CD46: variants seen among roughly 807,000 people sequenced by gnomAD.
CD46 encodes membrane cofactor protein.
In CD46, 30 loss-of-function variants were observed where a neutral mutation model predicts 53.3. The observed-to-expected ratio is 0.56, with a 90% CI of 0.42 to 0.76. The LOEUF (loss-of-function observed/expected upper bound fraction) is 0.76, where lower values mean the gene tolerates loss of function less well. Among genes scored for constraint, CD46 ranks in the 30% least tolerant of loss-of-function variants. The probability of loss-of-function intolerance (pLI) is 0.00; values close to 1 mark genes in which losing one functional copy is unlikely to be tolerated. For synonymous variants in CD46, 142 were observed against 152.0 expected (o/e 0.93, Z 0.48); for missense variants, 409 against 463.0 (o/e 0.88, Z 1.07).
At chr1:207,790,124 GT>G (rs1293287240) in intron 11 of CD46, 128 bp from the exon 12 acceptor site, 1 of 702,744 alleles carries the variant, frequency 1.4e-6, no homozygotes, top group Non-Finnish European at 2.6e-6. Flanking sequence ...AAAGTCTTAA[GT>G]TATGAACCTA....
intron 12 of CD46, 88 bp from the exon 13 acceptor site, chr1:207,793,431 T>C: frequency 1.0e-6 from 1 of 975,436 alleles, no homozygotes; most frequent in Non-Finnish European, 1.6e-6. Flanking sequence ...TTTTTTTAAT[T>C]GTTCATTTTC....
chr1:207,753,686 CAAAA>C (rs796895934), intron 1 of CD46, among the ~76,000 whole-genome samples: 2 of 146,966 alleles, frequency 1.4e-5, no homozygotes, highest in African/African-American at 2.5e-5. Context: ...AACAAACAAA[CAAAA>C]AAAAAACCCG....
At chr1:207,773,610 G>T (rs769902554) in intron 8 of CD46, among the ~76,000 whole-genome samples, 1 of 152,130 alleles carries the variant, frequency 6.6e-6, no homozygotes, top group Non-Finnish European at 1.5e-5. Context: ...GTTCTCGTTG[G>T]TTTTAAAGAA....
chr1:207,754,537 C>G (rs972552636), intron 1 of CD46, among the ~76,000 whole-genome samples: 1 of 152,076 alleles, frequency 6.6e-6, no homozygotes, highest in Non-Finnish European at 1.5e-5. Context: ...TCCAAAAGCC[C>G]GATTTGTTTA....
At chr1:207,756,146 C>A (rs1302186134) in intron 1 of CD46, among the ~76,000 whole-genome samples, 1 of 152,002 alleles carries the variant, frequency 6.6e-6, no homozygotes, top group East Asian at 1.9e-4. Flanking sequence ...TAGCTACCAG[C>A]CAGGGAGGAA....
intron 5 of CD46, among the ~76,000 whole-genome samples, chr1:207,765,924 A>G (rs1457041763): frequency 6.6e-6 from 1 of 152,232 alleles, no homozygotes; most frequent in Admixed American, 6.5e-5. Flanking sequence ...TGGTGAATGA[A>G]TGAACCACCT....
chr1:207,761,388 G>A lies in CD46; in HGVS notation c.615G>A (p.Glu205=), dbSNP rs1262119392. The change falls in exon 5 of 13, where the codon GAG becomes GAA. Residue 205 remains glutamate (E), a synonymous_variant. Coordinates refer to ENST00000367042, the MANE Select transcript of CD46 (RefSeq NM_172351.3). The part of the protein sequence containing the change: ...PGPDPFSLIG[E]STIYCGDNSV... ...CAGATCCATTTTCACTTATTGGAGA[G>A]AGCACGATTTATTGTGGTGACAATT... is the stretch of plus-strand genomic sequence containing the variant. 1.9e-6 allele frequency: 3 copies of A among 1,614,100 alleles called. No individual in the cohort carries two copies. Among genetic ancestry groups the A allele is most frequent in the Non-Finnish European group, 2.5e-6 (3 of 1,179,958 alleles).
At position 207,795,035 on chromosome 1, in the gene CD46, GT is replaced by G. The variant is rs760485423; in HGVS notation, c.*1561del. On this transcript the variant is annotated 3_prime_UTR_variant, in exon 13 of 13. Coordinates refer to ENST00000367042, the MANE Select transcript of CD46 (RefSeq NM_172351.3). The stretch of plus-strand genomic sequence containing the variant: ...GGCAAGATGCTTTAGGAAGATAAAA[GT>G]TTGAGGAGAACAAACAGGAATTCTG... 13 of 152,214 alleles carry G rather than the reference GT, an allele frequency of 8.5e-5. No homozygotes were observed. Among genetic ancestry groups the G allele is most frequent in the Non-Finnish European group, 1.6e-4 (11 of 68,046 alleles). 9.4% of individuals were successfully genotyped at this position (152,214 alleles called of 1,614,324 possible).
chr1:207,795,481 TTAAAA>T lies in CD46; in HGVS notation c.*2011_*2015del, dbSNP rs1311497615. 2.6e-5 allele frequency: 4 copies of T among 152,362 alleles called. No individual in the cohort carries two copies. Among genetic ancestry groups the T allele is most frequent in the South Asian group, 2.1e-4 (1 of 4,830 alleles). The allele number at this position is 152,362 out of a possible 1,614,324, so 9.4% of individuals were successfully genotyped here. A position where few individuals can be genotyped will look rare whatever the true frequency, so the allele number is the denominator to read the frequency against. On this transcript the variant is annotated 3_prime_UTR_variant, in exon 13 of 13. Coordinates refer to ENST00000367042, the MANE Select transcript of CD46 (RefSeq NM_172351.3). Reference sequence around the variant, plus strand: ...TTAAAAAATGGACTCTTGAAATCTGTTAAAATAAAATTGTACATTTGGAGATGTTT... The same window carrying T: ...TTAAAAAATGGACTCTTGAAATCTGTTAAAATTGTACATTTGGAGATGTTT...
chr1:207,773,374 T>C (rs781442930), intron 8 of CD46, among the ~76,000 whole-genome samples: 17 of 152,136 alleles, frequency 1.1e-4, no homozygotes, highest in Non-Finnish European at 2.2e-4. Context: ...TTTTGAAGGG[T>C]TTTTTATATC....
chr1:207,790,195 G>A (rs536217466), intron 11 of CD46, 58 bp from the exon 12 acceptor site: 18 of 859,254 alleles, frequency 2.1e-5, no homozygotes, highest in South Asian at 1.6e-4. Flanking sequence ...TATGCTACTC[G>A]TTTCTTTTTG....
At chr1:207,760,617 A>G (rs1656070844) in intron 4 of CD46, 1 of 152,506 alleles carries the variant, frequency 6.6e-6, no homozygotes, top group African/African-American at 2.4e-5. Flanking sequence ...GTATTGCTCT[A>G]AAGAAATACC....
At chr1:207,772,594 G>C (rs1195339838) in intron 8 of CD46, among the ~76,000 whole-genome samples, 1 of 152,164 alleles carries the variant, frequency 6.6e-6, no homozygotes, top group Admixed American at 6.5e-5. Context: ...AGTTTATTGA[G>C]AGTTTTTAGC....
At chr1:207,762,031 A>G in intron 5 of CD46, among the ~76,000 whole-genome samples, 1 of 152,208 alleles carries the variant, frequency 6.6e-6, no homozygotes, top group East Asian at 1.9e-4. Context: ...ATTCTAGACA[A>G]TAAGACAACT....
rs746974443 is a variant in CD46 at position 207,793,623 on chromosome 1, C to T, written c.*146C>T. ...TCCACAACCTGGTTTGCCAGTTCAT[C>T]TTTTGACTCTATTAAAATCTTCAAT... On this transcript the variant is annotated 3_prime_UTR_variant, in exon 13 of 13. Coordinates refer to ENST00000367042, the MANE Select transcript of CD46 (RefSeq NM_172351.3). 6.5e-7 allele frequency: 1 copy of T among 1,550,132 alleles called. No homozygotes were observed. Among genetic ancestry groups the T allele is most frequent in the Admixed American group, 1.7e-5 (1 of 59,860 alleles).
intron 12 of CD46, among the ~76,000 whole-genome samples, chr1:207,792,047 C>G (rs1165596884): frequency 1.3e-5 from 2 of 152,084 alleles, no homozygotes; most frequent in African/African-American, 4.8e-5. Flanking sequence ...CTTTGGGAGG[C>G]CGAGGCGGGC....
chr1:207,757,185 C>T lies in CD46; in HGVS notation c.269C>T (p.Ser90Leu). Residue 90 changes from serine to leucine, a missense_variant, in exon 2 of 13, where the codon TCA becomes TTA. Transcript: ENST00000367042. ...CDRNHTWLPV[S>L]DDACYRETCP... ...CGGAATCATACATGGCTACCTGTCT[C>T]AGATGACGCCTGTTATAGTAAGTAA... 6.2e-7 allele frequency: 1 copy of T among 1,613,416 alleles called. No homozygotes were observed. Among genetic ancestry groups the T allele is most frequent in the Non-Finnish European group, 8.5e-7 (1 of 1,179,704 alleles).
At chr1:207,771,436 A>G (rs1462282652) in intron 8 of CD46, among the ~76,000 whole-genome samples, 1 of 151,800 alleles carries the variant, frequency 6.6e-6, no homozygotes, top group Non-Finnish European at 1.5e-5. Context: ...TTTTGTTGCC[A>G]TTGCTTTTGG....
intron 11 of CD46, 171 bp downstream of exon 11, chr1:207,785,853 C>T (rs1040397732): frequency 7.2e-5 from 42 of 583,762 alleles, no homozygotes; most frequent in Middle Eastern, 4.7e-4. Flanking sequence ...ATATTTTCAG[C>T]TACTTCTAAC....
Sources: allele counts gnomAD v4.1 joint callset (sites outside exome capture counted in the v4.1 genomes callset), GRCh38; gene constraint gnomAD v4.1.1; transcripts MANE v1.5; gene names NCBI Gene and HGNC (gene_info 2026-07-23, HGNC 2026-07-21).